The following RYR3 variants were observed in gnomAD, a reference collection of about 807,000 sequenced individuals.
RYR3 encodes the protein ryanodine receptor 3.
A neutral mutation model predicts 584.3 loss-of-function variants in RYR3; 207 were observed. The observed-to-expected ratio is 0.35, with a 90% CI of 0.32 to 0.40. The LOEUF is 0.40. Ranked by LOEUF, RYR3 falls within the 10% of genes least tolerant of loss-of-function variation. The pLI is 1.00. For missense variants in RYR3, 5,616 were observed against 6,089.2 expected (o/e 0.92, Z 2.59); for synonymous variants, 2,416 against 2,248.5 (o/e 1.07, Z -2.11).
chr15:33,465,283 C>CGATAGATATCTATATCTATA (rs1272390394), intron 1 of RYR3, among the ~76,000 whole-genome samples: 2 of 152,006 alleles, frequency 1.3e-5, no homozygotes, highest in African/African-American at 4.8e-5. Flanking sequence ...CTATATCTAT[C>CGATAGATATCTATATCTATA]GATAGATATC....
chr15:33,772,221 G>A lies in RYR3; in HGVS notation c.9055+63G>A, dbSNP rs1452749503. On this transcript the variant is annotated intron_variant, in intron 63 of 103. Coordinates refer to ENST00000634891, the MANE Select transcript of RYR3 (RefSeq NM_001036.6). Reference sequence around the variant, plus strand: ...CATGGCCCCAGATAGGAGGTGCAGGGCCCATTCACTTACATTGACCTTGAG... The same window carrying A: ...CATGGCCCCAGATAGGAGGTGCAGGACCCATTCACTTACATTGACCTTGAG... 1.1e-5 allele frequency: 11 copies of A among 1,031,476 alleles called. No individual in the cohort carries two copies. In the East Asian group the frequency reaches 2.5e-4, roughly 23 times the overall value. The allele number at this position is 1,031,476 out of a possible 1,614,324, so 63.9% of individuals were successfully genotyped here. A position where few individuals can be genotyped will look rare whatever the true frequency, so the allele number is the denominator to read the frequency against.
At chr15:33,399,823 G>GTGTGTATACATATATGTATA (rs1481770719) in intron 1 of RYR3, among the ~76,000 whole-genome samples, 11 of 152,072 alleles carry the variant, frequency 7.2e-5, no homozygotes, top group Non-Finnish European at 1.2e-4. Flanking sequence ...ATGGAAATAT[G>GTGTGTATACATATATGTATA]TGTGTATACA....
chr15:33,721,392 C>G (rs988792215), intron 43 of RYR3, among the ~76,000 whole-genome samples: 1 of 152,240 alleles, frequency 6.6e-6, no homozygotes, highest in African/African-American at 2.4e-5. Flanking sequence ...AAATCCCTGA[C>G]CGATACAAAT....
intron 38 of RYR3, among the ~76,000 whole-genome samples, chr15:33,692,720 A>C (rs1566962526): frequency 6.6e-6 from 1 of 151,230 alleles, no homozygotes; most frequent in Non-Finnish European, 1.5e-5. Flanking sequence ...CAAAGAATGG[A>C]GTGGCAGGTG....
At chr15:33,315,519 A>C (rs1171285537) in intron 1 of RYR3, among the ~76,000 whole-genome samples, 1 of 152,150 alleles carries the variant, frequency 6.6e-6, no homozygotes, top group African/African-American at 2.4e-5. Context: ...GTTATGTTTG[A>C]GGATTAAAAT....
chr15:33,604,644 G>T (rs1273073800), intron 18 of RYR3, among the ~76,000 whole-genome samples: 3 of 152,176 alleles, frequency 2.0e-5, no homozygotes, highest in Non-Finnish European at 4.4e-5. Context: ...GGATGATGGG[G>T]TCATGTGAAG....
rs557120958 is a variant in RYR3, at chr15:33,837,924, C to G, written c.11944C>G (p.Arg3982Gly). The G allele has an allele frequency of 9.3e-6, 15 of 1,613,746 alleles. No individual in the cohort carries two copies. The highest frequency in any genetic ancestry group is 9.3e-6 in the Non-Finnish European group (11 of 1,179,880). The change falls in exon 89 of 104, where the codon CGG becomes GGG. Residue 3982 changes from arginine to glycine, a missense_variant. By Grantham distance (125) the Arg-to-Gly change is moderately radical. This residue lies in a region of RYR3 where 258 missense variants were observed against 297.3 expected (regional missense o/e 0.87). Transcript: ENST00000634891. ...DMFNYVDFVD[R>G]FHEPAKDIGF... ...GTTTAATTACGTTGATTTTGTAGACCGGTTCCATGAGCCAGCCAAGGACAT... is the reference window on the plus strand; with the variant it reads ...GTTTAATTACGTTGATTTTGTAGACGGGTTCCATGAGCCAGCCAAGGACAT...
chr15:33,865,068 C>G (rs1346773171), intron 103 of RYR3, 63 bp from the exon 104 acceptor site: 4 of 1,344,404 alleles, frequency 3.0e-6, no homozygotes, highest in Admixed American at 1.8e-5. Context: ...AGAACAAAAA[C>G]AAACTGGGTT....
At chr15:33,468,426 T>G (rs142058695) in intron 1 of RYR3, among the ~76,000 whole-genome samples, 5 of 152,314 alleles carry the variant, frequency 3.3e-5, no homozygotes, top group South Asian at 2.1e-4. Context: ...TCATTATCAA[T>G]AATAATAATT....
intron 67 of RYR3, among the ~76,000 whole-genome samples, chr15:33,793,211 G>A (rs1189957501): frequency 6.6e-6 from 1 of 152,170 alleles, no homozygotes; most frequent in Non-Finnish European, 1.5e-5. Flanking sequence ...GTGTAGGGGA[G>A]TGCAGAACCT....
chr15:33,314,544 C>T (rs548813567), intron 1 of RYR3, among the ~76,000 whole-genome samples: 2 of 152,308 alleles, frequency 1.3e-5, no homozygotes, highest in South Asian at 4.1e-4. Context: ...AAACAAAACT[C>T]TAATCCTTAG....
At chr15:33,604,100 C>T (rs1487740002) in intron 18 of RYR3, among the ~76,000 whole-genome samples, 4 of 152,190 alleles carry the variant, frequency 2.6e-5, no homozygotes, top group Non-Finnish European at 5.9e-5. Context: ...TTGTCCAAAG[C>T]GTGTATTTTC....
chr15:33,706,486 G>T (rs1006726788), intron 42 of RYR3, among the ~76,000 whole-genome samples: 4 of 152,082 alleles, frequency 2.6e-5, no homozygotes, highest in South Asian at 2.1e-4. Context: ...GAACGATACG[G>T]TATTTGTCTT....
At chr15:33,368,883 G>A (rs1158188277) in intron 1 of RYR3, among the ~76,000 whole-genome samples, 3 of 152,128 alleles carry the variant, frequency 2.0e-5, no homozygotes, top group African/African-American at 7.2e-5. Context: ...ACATGACAGT[G>A]TCCTGAAAAC....
chr15:33,857,830 G>A lies in RYR3; in HGVS notation c.14058G>A (p.Val4686=), dbSNP rs377333580. The change falls in exon 99 of 104, where the codon GTG becomes GTA. Residue 4686 remains valine, a synonymous_variant. Transcript: ENST00000634891. ...CCGTGGTGGTTTATCTCTATACTGTGGTGGCTTTCAACTTCTTCCGCAAGT... is the reference window on the plus strand; with the variant it reads ...CCGTGGTGGTTTATCTCTATACTGTAGTGGCTTTCAACTTCTTCCGCAAGT... ...LLAVVVYLYT[V]VAFNFFRKFY... is the part of the protein sequence containing the mutation. The A allele has an allele frequency of 6.2e-7, 1 of 1,614,178 alleles. No individual in the cohort carries two copies.
intron 1 of RYR3, among the ~76,000 whole-genome samples, chr15:33,333,134 A>G (rs986110885): frequency 4.0e-5 from 6 of 151,878 alleles, no homozygotes; most frequent in African/African-American, 1.2e-4. Flanking sequence ...CCAGATGTAC[A>G]AAGAAGAGAT....
intron 1 of RYR3, among the ~76,000 whole-genome samples, chr15:33,403,756 A>C (rs992472116): frequency 9.8e-5 from 15 of 152,344 alleles, no homozygotes; most frequent in Middle Eastern, 6.8e-3. Flanking sequence ...ATTTCTAAAA[A>C]CACTGATCTT....
chr15:33,832,319 A>G (rs2077734467), intron 86 of RYR3, among the ~76,000 whole-genome samples: 1 of 151,638 alleles, frequency 6.6e-6, no homozygotes. Flanking sequence ...AGAAAAAATC[A>G]TACCTGATTT....
At chr15:33,802,011 C>T in intron 69 of RYR3, 50 bp downstream of exon 69, 1 of 1,081,674 alleles carries the variant, frequency 9.2e-7, no homozygotes, top group South Asian at 1.2e-5. Flanking sequence ...TAACCTCAGC[C>T]ATGACTTGGA....
Sources: gnomAD v4.1 joint callset for allele counts (sites outside exome capture counted in the v4.1 genomes callset) on GRCh38, gnomAD v4.1.1 for gene constraint, gnomAD v4.1.1 regional missense constraint, MANE v1.5 for transcripts, NCBI Gene and HGNC (gene_info 2026-07-23, HGNC 2026-07-21) for gene names.